The following POFUT3 variants were observed in gnomAD, a reference collection of about 807,000 sequenced individuals.
POFUT3 encodes GDP-fucose protein O-fucosyltransferase 3.
At chr8:33,376,143 A>G in the POFUT3 span, among the ~76,000 whole-genome samples, 3 of 152,058 alleles carry the variant, frequency 2.0e-5, no homozygotes, top group Non-Finnish European at 4.4e-5. Context: ...GAAGTGGAAG[A>G]CTGCTGTTTT....
At chr8:33,341,937 A>G in the POFUT3 span, among the ~76,000 whole-genome samples, 1 of 152,092 alleles carries the variant, frequency 6.6e-6, no homozygotes, top group Non-Finnish European at 1.5e-5. Flanking sequence ...TCATGCCTGT[A>G]ATCCCAGCAT....
chr8:33,438,957 T>C, the POFUT3 span, among the ~76,000 whole-genome samples: 2 of 74,764 alleles, frequency 2.7e-5, no homozygotes. Context: ...GGAGCTACAA[T>C]TCAAGAGAGA....
At chr8:33,434,877 C>A in the POFUT3 span, among the ~76,000 whole-genome samples, 1 of 152,208 alleles carries the variant, frequency 6.6e-6, no homozygotes, top group African/African-American at 2.4e-5. Context: ...CCACTGCCAC[C>A]AGATAACAAG....
chr8:33,466,506 A>C, the POFUT3 span, among the ~76,000 whole-genome samples: 1 of 151,850 alleles, frequency 6.6e-6, no homozygotes, highest in African/African-American at 2.4e-5. Flanking sequence ...AAAGAAGGGC[A>C]GGGCAGGGAA....
At chr8:33,452,336 C>T in the POFUT3 span, 1 of 152,088 alleles carries the variant, frequency 6.6e-6, no homozygotes, top group East Asian at 1.9e-4. Flanking sequence ...TTCATCATTG[C>T]ATAGTATTCC....
At chr8:33,367,198 G>A in the POFUT3 span, among the ~76,000 whole-genome samples, 1 of 152,318 alleles carries the variant, frequency 6.6e-6, no homozygotes, top group East Asian at 1.9e-4. Flanking sequence ...TGTTCATGAT[G>A]GCCATAACGC....
chr8:33,375,723 A>G, the POFUT3 span, among the ~76,000 whole-genome samples: 6 of 152,316 alleles, frequency 3.9e-5, no homozygotes, highest in African/African-American at 1.4e-4. Context: ...ACTTAGAAAC[A>G]TAGAGTAAAT....
the POFUT3 span, among the ~76,000 whole-genome samples, chr8:33,344,997 A>G: frequency 0.013 from 1,969 of 152,314 alleles, 47 homozygotes; most frequent in African/African-American, 0.045. Flanking sequence ...AGAAATCAAA[A>G]TAAAGATTGA....
At chr8:33,398,378 C>G in the POFUT3 span, among the ~76,000 whole-genome samples, 1 of 152,024 alleles carries the variant, frequency 6.6e-6, no homozygotes, top group Non-Finnish European at 1.5e-5. Context: ...GATGACTAGT[C>G]AAATCCCCCA....
At chr8:33,342,158 G>A in the POFUT3 span, among the ~76,000 whole-genome samples, 4 of 151,954 alleles carry the variant, frequency 2.6e-5, no homozygotes, top group Admixed American at 2.6e-4. Flanking sequence ...TCCAGCCTGG[G>A]AGACAGAAAG....
chr8:33,435,552 T>C, the POFUT3 span, among the ~76,000 whole-genome samples: 1 of 151,866 alleles, frequency 6.6e-6, no homozygotes, highest in African/African-American at 2.4e-5. Context: ...AGTCTTACTC[T>C]GTCACCCAGG....
At chr8:33,316,553 T>C in the POFUT3 span, among the ~76,000 whole-genome samples, 2 of 135,466 alleles carry the variant, frequency 1.5e-5, no homozygotes, top group African/African-American at 3.0e-5. Flanking sequence ...AAACCCCATC[T>C]CTACTAAAAC....
chr8:33,389,818 T>G, the POFUT3 span: 14 of 1,459,384 alleles, frequency 9.6e-6, no homozygotes, highest in Non-Finnish European at 1.2e-5. Context: ...GAAAATGAGA[T>G]ATTAATTAGT....
the POFUT3 span, among the ~76,000 whole-genome samples, chr8:33,433,475 G>A: frequency 1.3e-5 from 2 of 152,052 alleles, no homozygotes; most frequent in African/African-American, 2.4e-5. Context: ...AGCCAGGCGC[G>A]GTGGCAGGCG....
chr8:33,364,454 T>G, the POFUT3 span, among the ~76,000 whole-genome samples: 1 of 152,180 alleles, frequency 6.6e-6, no homozygotes, highest in African/African-American at 2.4e-5. Context: ...ATAAAGGGTA[T>G]TCAATTAGGA....
At chr8:33,380,008 A>ACACTC in the POFUT3 span, among the ~76,000 whole-genome samples, 1 of 73,546 alleles carries the variant, frequency 1.4e-5, no homozygotes, top group Non-Finnish European at 2.3e-5. Flanking sequence ...TATATACTAT[A>ACACTC]TATATAGTAT....
At chr8:33,356,120 C>T in the POFUT3 span, among the ~76,000 whole-genome samples, 9 of 152,156 alleles carry the variant, frequency 5.9e-5, no homozygotes, top group Admixed American at 3.9e-4. Context: ...TGAATAGAGC[C>T]GCAATAAACA....
At chr8:33,425,888 G>A in the POFUT3 span, among the ~76,000 whole-genome samples, 1 of 144,000 alleles carries the variant, frequency 6.9e-6, no homozygotes, top group Non-Finnish European at 1.5e-5. Flanking sequence ...CGAAACAAGA[G>A]CAAAACTCCA....
chr8:33,401,473 T>C, the POFUT3 span, among the ~76,000 whole-genome samples: 1 of 152,144 alleles, frequency 6.6e-6, no homozygotes, highest in Non-Finnish European at 1.5e-5. Flanking sequence ...GCAAAATACA[T>C]GTCGATTTCA....
Sources: gnomAD v4.1 joint callset for allele counts (sites outside exome capture counted in the v4.1 genomes callset) on GRCh38, gnomAD v4.1.1 for gene constraint, MANE v1.5 for transcripts, NCBI Gene and HGNC (gene_info 2026-07-23, HGNC 2026-07-21) for gene names.